NUSAP1: variants seen among roughly 807,000 people sequenced by gnomAD.
NUSAP1 encodes the protein nucleolar and spindle associated protein 1, also known as nucleolar and spindle-associated protein 1.
Under a neutral mutation model 52.8 loss-of-function variants are expected in NUSAP1, and 32 were observed. The ratio of observed to expected loss-of-function variants is 0.61; its 90% CI spans 0.46 to 0.81. The LOEUF (loss-of-function observed/expected upper bound fraction) is 0.81, where lower values mean the gene tolerates loss of function less well. NUSAP1 is among the 40% of genes least tolerant of loss of function. The pLI, the probability that NUSAP1 is intolerant of heterozygous loss-of-function variation, is 0.00. For missense variants in NUSAP1, 499 were observed against 522.3 expected, an observed-to-expected ratio of 0.96 and a Z score of 0.43; for synonymous variants, 195 against 183.1, an observed-to-expected ratio of 1.06 and a Z score of -0.52.
At chr15:41,372,965 A>T (rs895228705) in intron 8 of NUSAP1, among the ~76,000 whole-genome samples, 1 of 151,290 alleles carries the variant, frequency 6.6e-6, no homozygotes, top group Non-Finnish European at 1.5e-5. Flanking sequence ...GCATGCACCT[A>T]TCATCCCAAC....
At chr15:41,373,551 G>T (rs911829536) in intron 8 of NUSAP1, among the ~76,000 whole-genome samples, 2 of 145,528 alleles carry the variant, frequency 1.4e-5, no homozygotes, top group African/African-American at 2.6e-5. Context: ...CTGGGTTCAC[G>T]CCATTCTCCT....
At chr15:41,336,648 G>GTGTTTTTTGTTTTTT (rs1555426223) in intron 1 of NUSAP1, among the ~76,000 whole-genome samples, 1 of 91,372 alleles carries the variant, frequency 1.1e-5, no homozygotes, top group Non-Finnish European at 2.4e-5. Flanking sequence ...CCTCCTTTTG[G>GTGTTTTTTGTTTTTT]TTTTTTTTTT....
intron 9 of NUSAP1, 114 bp from the exon 10 acceptor site, chr15:41,377,082 A>G (rs958384027): frequency 6.5e-6 from 4 of 616,622 alleles, no homozygotes; most frequent in Non-Finnish European, 1.1e-5. Context: ...TTCTGTCTCA[A>G]AGAAAAAAAA....
intron 7 of NUSAP1, among the ~76,000 whole-genome samples, chr15:41,370,136 C>T (rs2049606697): frequency 6.6e-6 from 1 of 151,856 alleles, no homozygotes; most frequent in African/African-American, 2.4e-5. Flanking sequence ...AATCCCAGCA[C>T]TTTGGGAGGC....
chr15:41,374,727 A>C (rs772445184), intron 8 of NUSAP1, among the ~76,000 whole-genome samples: 1 of 151,830 alleles, frequency 6.6e-6, no homozygotes, highest in African/African-American at 2.4e-5. Context: ...GAGTTTCACT[A>C]TGTTGGCCAG....
chr15:41,357,659 G>C (rs1266372071), intron 5 of NUSAP1, among the ~76,000 whole-genome samples: 1 of 151,966 alleles, frequency 6.6e-6, no homozygotes, highest in African/African-American at 2.4e-5. Context: ...GGTCAGGCTG[G>C]TCTCGAACTC....
intron 2 of NUSAP1, among the ~76,000 whole-genome samples, chr15:41,348,729 T>C (rs889474033): frequency 6.6e-6 from 1 of 152,162 alleles, no homozygotes; most frequent in African/African-American, 2.4e-5. Context: ...AACCTCCCCT[T>C]GCCGGGTCAA....
chr15:41,333,711 A>T (rs532425929), intron 1 of NUSAP1, among the ~76,000 whole-genome samples: 3 of 152,254 alleles, frequency 2.0e-5, no homozygotes, highest in Non-Finnish European at 4.4e-5. Flanking sequence ...ACCTGAGGTC[A>T]GGAGTTCGAG....
chr15:41,338,534 A>G (rs1488521784), intron 1 of NUSAP1, among the ~76,000 whole-genome samples: 1 of 152,180 alleles, frequency 6.6e-6, no homozygotes, highest in Non-Finnish European at 1.5e-5. Context: ...CCTGTGCCAC[A>G]GCACTCTCAT....
intron 7 of NUSAP1, among the ~76,000 whole-genome samples, chr15:41,370,800 T>C (rs1488054481): frequency 1.4e-5 from 2 of 143,900 alleles, no homozygotes; most frequent in African/African-American, 2.6e-5. Context: ...CACATACCCA[T>C]AGTCCCAGCC....
rs980108553 is a variant in NUSAP1 at position 41,379,891 on chromosome 15, C to A, written c.1233-202C>A. 3.3e-5 allele frequency among the ~76,000 whole-genome samples: 5 copies of A among 152,202 alleles called. 1 individual carries two copies. The highest frequency in any genetic ancestry group is 3.3e-4 in the Admixed American group (5 of 15,248). On this transcript the variant is annotated intron_variant, in intron 10 of 10. Transcript: ENST00000559596. Reference sequence around the variant, plus strand: ...GTGCTGAGTTAACAAAAGGAAAATACCAGTTTCTAACCCTTTAACACAACA... The same window carrying A: ...GTGCTGAGTTAACAAAAGGAAAATAACAGTTTCTAACCCTTTAACACAACA...
chr15:41,370,435 G>A (rs2049622048), intron 7 of NUSAP1, among the ~76,000 whole-genome samples: 1 of 150,252 alleles, frequency 6.7e-6, no homozygotes, highest in Admixed American at 6.7e-5. Flanking sequence ...GGCCAACATG[G>A]CAAAACCCCA....
chr15:41,364,264 T>C (rs1443515541), intron 6 of NUSAP1, among the ~76,000 whole-genome samples: 1 of 152,156 alleles, frequency 6.6e-6, no homozygotes. Context: ...AATGTCTGGC[T>C]AGGCTGGGCG....
chr15:41,351,260 T>C (rs1595553833), intron 4 of NUSAP1, 131 bp downstream of exon 4: 3 of 859,138 alleles, frequency 3.5e-6, no homozygotes, highest in East Asian at 5.6e-5. Flanking sequence ...AACAGAAATT[T>C]ACTCTTTCAT....
At chr15:41,335,255 T>A (rs2048074084) in intron 1 of NUSAP1, among the ~76,000 whole-genome samples, 1 of 137,528 alleles carries the variant, frequency 7.3e-6, no homozygotes, top group African/African-American at 2.9e-5. Flanking sequence ...AATTTATAAT[T>A]TATACTAGTA....
intron 2 of NUSAP1, among the ~76,000 whole-genome samples, chr15:41,348,838 A>G (rs914520156): frequency 1.3e-4 from 20 of 151,556 alleles, no homozygotes; most frequent in African/African-American, 4.8e-4. Flanking sequence ...GAGTTTCACT[A>G]TGTCAACCAG....
intron 2 of NUSAP1, among the ~76,000 whole-genome samples, 182 bp downstream of exon 2, chr15:41,342,636 G>A (rs529021339): frequency 3.3e-5 from 5 of 152,158 alleles, no homozygotes; most frequent in South Asian, 4.1e-4. Context: ...CCAGGAGTTC[G>A]AGACCAGCCT....
At chr15:41,333,200 G>A (rs1595509872) in intron 1 of NUSAP1, 150 bp downstream of exon 1, 1 of 634,796 alleles carries the variant, frequency 1.6e-6, no homozygotes, top group East Asian at 2.7e-5. Context: ...GGTAGTCCCA[G>A]TTAGAACTCT....
chr15:41,362,306 T>C (rs1157728222), intron 6 of NUSAP1, among the ~76,000 whole-genome samples: 2 of 151,726 alleles, frequency 1.3e-5, no homozygotes, highest in African/African-American at 4.8e-5. Context: ...TATAAATCTC[T>C]ATATTTTATA....
Sources: gnomAD v4.1 joint callset for allele counts (sites outside exome capture counted in the v4.1 genomes callset) on GRCh38, gnomAD v4.1.1 for gene constraint, MANE v1.5 for transcripts, NCBI Gene and HGNC (gene_info 2026-07-23, HGNC 2026-07-21) for gene names.